Variants in GK5 observed in about 807,000 individuals in gnomAD.
GK5 encodes the protein ATP:glycerol 3-phosphotransferase 5.
GK5 carries 39 observed loss-of-function variants against 77.3 expected under a neutral mutation model. The ratio of observed to expected loss-of-function variants is 0.50; its 90% CI spans 0.39 to 0.66. The LOEUF is 0.66. Among genes scored for constraint, GK5 ranks in the 30% least tolerant of loss-of-function variants. The pLI, the probability that GK5 is intolerant of heterozygous loss-of-function variation, is 0.00. For synonymous variants in GK5, 211 were observed against 208.0 expected (o/e 1.01, Z -0.13); for missense variants, 487 against 633.8 (o/e 0.77, Z 2.49).
intron 5 of GK5, among the ~76,000 whole-genome samples, chr3:142,188,139 G>A (rs1301704671): frequency 1.3e-5 from 2 of 152,062 alleles, no homozygotes; most frequent in Non-Finnish European, 2.9e-5. Flanking sequence ...GCTCACGCCT[G>A]TAATCCCAGT....
In GK5 at chr3:142,159,382, C is replaced by G. The variant is rs1333618748; in HGVS notation, c.*6240G>C. 1 of 152,150 alleles carries G rather than the reference C, an allele frequency of 6.6e-6. No individual in the cohort carries two copies. Among genetic ancestry groups the G allele is most frequent in the South Asian group, 2.1e-4 (1 of 4,824 alleles). 9.4% of individuals were successfully genotyped at this position (152,150 alleles called of 1,614,324 possible). ...TTTGTTTCCTAAACATCACGGGTAT[C>G]TATCTAAACACAGCCATTTTATAAC... On this transcript the variant is annotated 3_prime_UTR_variant, in exon 16 of 16. Coordinates refer to ENST00000392993, the MANE Select transcript of GK5 (RefSeq NM_001039547.3).
intron 8 of GK5, 94 bp downstream of exon 8, chr3:142,186,100 G>T: frequency 8.7e-7 from 1 of 1,153,320 alleles, no homozygotes; most frequent in Non-Finnish European, 1.3e-6. Flanking sequence ...GAACATACAA[G>T]TCCTTCAAAC....
intron 5 of GK5, among the ~76,000 whole-genome samples, chr3:142,188,719 A>T (rs1349978744): frequency 6.6e-6 from 1 of 152,270 alleles, no homozygotes. Flanking sequence ...CAGTGTCCAT[A>T]AGTAAAGTCT....
At chr3:142,204,551 A>G in intron 4 of GK5, 144 bp downstream of exon 4, 2 of 708,820 alleles carry the variant, frequency 2.8e-6, no homozygotes, top group South Asian at 1.4e-5. Flanking sequence ...TTGATTGGCT[A>G]TTATTAAACT....
intron 3 of GK5, among the ~76,000 whole-genome samples, chr3:142,208,131 T>A (rs1322023487): frequency 6.6e-6 from 1 of 152,236 alleles, no homozygotes; most frequent in Admixed American, 6.5e-5. Flanking sequence ...AGACATTTTT[T>A]AAATGCAAAT....
intron 5 of GK5, among the ~76,000 whole-genome samples, chr3:142,196,662 A>G (rs973955144): frequency 6.6e-6 from 1 of 152,126 alleles, no homozygotes; most frequent in Non-Finnish European, 1.5e-5. Flanking sequence ...CGAAGCCTTT[A>G]TGGTCAGACA....
In GK5 at chr3:142,212,894, C is replaced by T. The variant is rs558299198; in HGVS notation, c.317+632G>A. On this transcript the variant is annotated intron_variant, in intron 3 of 15. Coordinates refer to ENST00000392993, the MANE Select transcript of GK5 (RefSeq NM_001039547.3). ...TGTCGCCCAGGCTGGAGTGCAGTGG[C>T]GCAATCTCGGCTCACTGCAGGCTCC... is the stretch of plus-strand genomic sequence containing the variant. 2.8e-4 allele frequency among the ~76,000 whole-genome samples: 38 copies of T among 134,716 alleles called. No homozygotes were observed. In the East Asian group the frequency reaches 5.9e-3, roughly 21 times the overall value. 88.4% of individuals were successfully genotyped at this position (134,716 alleles called of 152,430 possible).
intron 2 of GK5, among the ~76,000 whole-genome samples, chr3:142,213,851 G>A (rs905884038): frequency 1.2e-4 from 18 of 152,064 alleles, no homozygotes; most frequent in African/African-American, 4.3e-4. Flanking sequence ...GAGACAAAGT[G>A]TCACTCTGTT....
rs183886050 is a variant in GK5, at chr3:142,204,597, A to C, written c.411+98T>G. On this transcript the variant is annotated intron_variant, in intron 4 of 15. Coordinates refer to ENST00000392993, the MANE Select transcript of GK5 (RefSeq NM_001039547.3). ...GGGGAGTGTGTGCGTATGTCTTCTT[A>C]ATGTCCTAAAACAAAATAGGTAGGA... The C allele has an allele frequency of 3.1e-5, 25 of 794,044 alleles. 1 individual carries two copies. The Middle Eastern group carries it at 9.0e-4, about 29-fold the overall frequency. The allele number at this position is 794,044 out of a possible 1,614,324, so 49.2% of individuals were successfully genotyped here. A position where few individuals can be genotyped will look rare whatever the true frequency, so the allele number is the denominator to read the frequency against.
At chr3:142,219,298 CT>C (rs2064312711) in intron 1 of GK5, among the ~76,000 whole-genome samples, 1 of 152,150 alleles carries the variant, frequency 6.6e-6, no homozygotes, top group African/African-American at 2.4e-5. Flanking sequence ...TTTATAGCAG[CT>C]CTATTAATGA....
chr3:142,210,591 A>G (rs991841297), intron 3 of GK5, among the ~76,000 whole-genome samples: 3 of 152,230 alleles, frequency 2.0e-5, no homozygotes, highest in African/African-American at 4.8e-5. Flanking sequence ...CAAGCAAAGA[A>G]TGTTCCCAAA....
chr3:142,177,857 CT>C (rs370889965), intron 11 of GK5, among the ~76,000 whole-genome samples: 23,446 of 128,022 alleles, frequency 0.18, 1,647 homozygotes, highest in African/African-American at 0.25. Flanking sequence ...CGTTTTTTTT[CT>C]TTTTTTTTTT....
At chr3:142,203,486 T>A (rs2064058388) in intron 4 of GK5, among the ~76,000 whole-genome samples, 1 of 152,078 alleles carries the variant, frequency 6.6e-6, no homozygotes, top group Non-Finnish European at 1.5e-5. Flanking sequence ...TTAAAATAAT[T>A]AATATGGGCC....
intron 5 of GK5, among the ~76,000 whole-genome samples, 187 bp from the exon 6 acceptor site, chr3:142,187,966 G>T (rs1005828093): frequency 2.0e-5 from 3 of 152,144 alleles, no homozygotes; most frequent in Admixed American, 6.5e-5. Context: ...CTAGCCAGGG[G>T]AGAGAGGGAA....
intron 3 of GK5, among the ~76,000 whole-genome samples, chr3:142,212,429 A>G (rs2064199217): frequency 6.6e-6 from 1 of 152,082 alleles, no homozygotes; most frequent in East Asian, 1.9e-4. Flanking sequence ...CCAGCTACTC[A>G]GGAGGCTAAG....
In GK5 at chr3:142,215,758, T is replaced by TC. The variant is rs1489129294; in HGVS notation, c.148-67dup. The TC allele has an allele frequency of 2.0e-5, 14 of 694,376 alleles. No individual in the cohort carries two copies. The African/African-American group carries it at 2.0e-4, about 10-fold the overall frequency. The allele number at this position is 694,376 out of a possible 1,614,324, so 43.0% of individuals were successfully genotyped here. The stretch of plus-strand genomic sequence containing the variant: ...CAAGTCAATAGTATGGGTCTTTGGG[T>TC]CTCAAAACTACTGGTTAAAATAATT... On this transcript the variant is annotated intron_variant, in intron 1 of 15. Coordinates refer to ENST00000392993, the MANE Select transcript of GK5 (RefSeq NM_001039547.3).
At chr3:142,179,227 A>G (rs2063662056) in intron 11 of GK5, among the ~76,000 whole-genome samples, 1 of 152,260 alleles carries the variant, frequency 6.6e-6, no homozygotes, top group African/African-American at 2.4e-5. Flanking sequence ...AAGACATTTA[A>G]GGAGCACTTA....
intron 5 of GK5, among the ~76,000 whole-genome samples, chr3:142,193,283 T>A (rs953646932): frequency 6.6e-6 from 1 of 152,140 alleles, no homozygotes; most frequent in Non-Finnish European, 1.5e-5. Flanking sequence ...AACAAAGGAC[T>A]GAGGTACTTC....
At chr3:142,211,518 AT>A (rs2064187939) in intron 3 of GK5, among the ~76,000 whole-genome samples, 1 of 152,318 alleles carries the variant, frequency 6.6e-6, no homozygotes, top group Admixed American at 6.5e-5. Context: ...TGGGCCGAGC[AT>A]GGTGGCTCAC....
Sources: allele counts gnomAD v4.1 joint callset (sites outside exome capture counted in the v4.1 genomes callset), GRCh38; gene constraint gnomAD v4.1.1; transcripts MANE v1.5; gene names NCBI Gene and HGNC (gene_info 2026-07-23, HGNC 2026-07-21).